The following CD200R1 variants were observed in gnomAD, a reference collection of about 807,000 sequenced individuals.
The protein encoded by CD200R1 is CD200 receptor 1.
CD200R1 carries 30 observed loss-of-function variants against 38.1 expected under a neutral mutation model. The ratio of observed to expected loss-of-function variants is 0.79; its 90% CI spans 0.59 to 1.07. The LOEUF is 1.07. CD200R1 is among the 50% of genes least tolerant of loss of function. CD200R1 has a pLI of 0.00. For synonymous variants in CD200R1, 128 were observed against 152.1 expected (o/e 0.84, Z 1.16); for missense variants, 372 against 415.4 (o/e 0.90, Z 0.91).
intron 1 of CD200R1, among the ~76,000 whole-genome samples, chr3:112,952,813 A>G (rs72952147): frequency 0.11 from 16,493 of 151,930 alleles, 1,106 homozygotes; most frequent in East Asian, 0.18. Flanking sequence ...TAAATAAATA[A>G]TTTTTCGTGG....
chr3:112,964,541 C>T (rs1036409978), intron 1 of CD200R1, among the ~76,000 whole-genome samples: 7 of 152,188 alleles, frequency 4.6e-5, no homozygotes, highest in Non-Finnish European at 8.8e-5. Context: ...GGGCCTGTAG[C>T]CCCTTTGTTT....
chr3:112,932,425 G>A (rs185671264), intron 2 of CD200R1, among the ~76,000 whole-genome samples: 56 of 152,164 alleles, frequency 3.7e-4, no homozygotes, highest in Admixed American at 1.2e-3. Context: ...TCTCCTGAAG[G>A]GGAGAGGACC....
rs530259331 is a variant in CD200R1 at position 112,924,471 on chromosome 3, C to CT, written c.924+18dup. On this transcript the variant is annotated intron_variant, in intron 7 of 7. Coordinates refer to ENST00000308611, the MANE Select transcript of CD200R1 (RefSeq NM_138806.4). ...CTATTGGCTTAAGTTTGCAATTAGT[C>CT]TTTTTTATCTTATCTTACCTCCTCA... is the stretch of plus-strand genomic sequence containing the variant. 3.8e-6 allele frequency: 5 copies of CT among 1,313,264 alleles called. No homozygotes were observed. The highest frequency in any genetic ancestry group is 3.0e-5 in the African/African-American group (2 of 66,236). The allele number at this position is 1,313,264 out of a possible 1,614,324, so 81.4% of individuals were successfully genotyped here.
At chr3:112,962,298 A>G (rs2107340826) in intron 1 of CD200R1, among the ~76,000 whole-genome samples, 1 of 152,310 alleles carries the variant, frequency 6.6e-6, no homozygotes, top group African/African-American at 2.4e-5. Flanking sequence ...CACTGATCAC[A>G]AAGGACAATA....
chr3:112,926,917 T>G (rs1274897254), intron 5 of CD200R1, among the ~76,000 whole-genome samples: 1 of 152,112 alleles, frequency 6.6e-6, no homozygotes, highest in African/African-American at 2.4e-5. Flanking sequence ...AACCTTAGTA[T>G]ACACAAAACT....
intron 2 of CD200R1, among the ~76,000 whole-genome samples, chr3:112,937,269 G>GC (rs1360636579): frequency 6.6e-6 from 1 of 152,036 alleles, no homozygotes; most frequent in East Asian, 1.9e-4. Context: ...GAGAGTAACT[G>GC]CCCCCCATGA....
Position 112,948,208 on chromosome 3 carries a change from A to G in CD200R1, c.68-284T>C, listed in dbSNP as rs560385636. Among the ~76,000 whole-genome samples the G allele has an allele frequency of 3.9e-5, 6 of 152,238 alleles. No individual in the cohort carries two copies. The East Asian group carries it at 7.7e-4, about 20-fold the overall frequency. On this transcript the variant is annotated intron_variant, in intron 1 of 7. Transcript: ENST00000308611. ...AAGTCTTCTTCCAGGCTTTTAGTCTATCTCTGAGTGTGGAAGAAATTATTT... is the reference window on the plus strand; with the variant it reads ...AAGTCTTCTTCCAGGCTTTTAGTCTGTCTCTGAGTGTGGAAGAAATTATTT...
At chr3:112,955,848 G>T (rs1272304789) in intron 1 of CD200R1, among the ~76,000 whole-genome samples, 5 of 150,602 alleles carry the variant, frequency 3.3e-5, no homozygotes, top group Admixed American at 3.3e-4. Flanking sequence ...GGCCCATAAG[G>T]TTTCGGCTGA....
chr3:112,974,225 C>T (rs1405472084), intron 1 of CD200R1, among the ~76,000 whole-genome samples: 3 of 152,078 alleles, frequency 2.0e-5, no homozygotes, highest in Non-Finnish European at 2.9e-5. Flanking sequence ...TGCTTGAAGA[C>T]AGGAGCTCAA....
At chr3:112,964,507 C>T (rs747299225) in intron 1 of CD200R1, among the ~76,000 whole-genome samples, 13 of 152,180 alleles carry the variant, frequency 8.5e-5, no homozygotes, top group Non-Finnish European at 1.6e-4. Context: ...ATTTGACTGC[C>T]CTGCTGGATT....
At chr3:112,941,143 G>A (rs1040041192) in intron 2 of CD200R1, among the ~76,000 whole-genome samples, 2 of 151,672 alleles carry the variant, frequency 1.3e-5, no homozygotes, top group African/African-American at 4.8e-5. Flanking sequence ...GGCTTCTATA[G>A]ACTACAAAGG....
rs1289751195 is a variant in CD200R1 at position 112,951,132 on chromosome 3, A to G, written c.68-3208T>C. Among the ~76,000 whole-genome samples the G allele has an allele frequency of 3.9e-5, 6 of 152,070 alleles. No homozygotes were observed. In the South Asian group the frequency reaches 8.3e-4, roughly 21 times the overall value. ...TTTATAAACTAACAACTAGACTGAT[A>G]AGGAAAAAAATAGAACACAAATCTC... On this transcript the variant is annotated intron_variant, in intron 1 of 7. Coordinates refer to ENST00000308611, the MANE Select transcript of CD200R1 (RefSeq NM_138806.4).
chr3:112,951,609 C>T (rs1181166135), intron 1 of CD200R1, among the ~76,000 whole-genome samples: 1 of 151,572 alleles, frequency 6.6e-6, no homozygotes, highest in Non-Finnish European at 1.5e-5. Context: ...AAATATTAGG[C>T]ATAGAATTTT....
chr3:112,937,126 C>T (rs111431423), intron 2 of CD200R1, among the ~76,000 whole-genome samples: 34 of 152,156 alleles, frequency 2.2e-4, no homozygotes, highest in African/African-American at 4.6e-4. Context: ...TTTACAATCA[C>T]GACAGAAGGG....
chr3:112,926,430 C>T (rs72491122), intron 5 of CD200R1, among the ~76,000 whole-genome samples: 6,102 of 152,072 alleles, frequency 0.04, 266 homozygotes, highest in East Asian at 0.22. Flanking sequence ...TTTTTAAAAC[C>T]CTTGCTTTCA....
intron 5 of CD200R1, among the ~76,000 whole-genome samples, chr3:112,925,848 T>G (rs1559943334): frequency 1.3e-5 from 2 of 152,170 alleles, no homozygotes; most frequent in Non-Finnish European, 2.9e-5. Flanking sequence ...ATACATGAAA[T>G]TCATATCTGT....
At chr3:112,952,850 C>T (rs1332496728) in intron 1 of CD200R1, among the ~76,000 whole-genome samples, 2 of 151,916 alleles carry the variant, frequency 1.3e-5, no homozygotes, top group Non-Finnish European at 2.9e-5. Flanking sequence ...ATATATAAGA[C>T]CATGTTGTCT....
At chr3:112,964,018 C>T (rs1300775368) in intron 1 of CD200R1, among the ~76,000 whole-genome samples, 6 of 152,184 alleles carry the variant, frequency 3.9e-5, no homozygotes, top group Non-Finnish European at 7.3e-5. Flanking sequence ...GGGTGCAAGC[C>T]TCAAGCTGTG....
chr3:112,924,365 T>G (rs1055419834), intron 7 of CD200R1, 125 bp downstream of exon 7: 11 of 590,212 alleles, frequency 1.9e-5, no homozygotes, highest in East Asian at 4.0e-5. Context: ...ATATAAGCAC[T>G]GCAAGTCAGA....
Sources: allele counts gnomAD v4.1 joint callset (sites outside exome capture counted in the v4.1 genomes callset), GRCh38; gene constraint gnomAD v4.1.1; transcripts MANE v1.5; gene names NCBI Gene and HGNC (gene_info 2026-07-23, HGNC 2026-07-21).